The following NRXN1 variants were observed in gnomAD, a reference collection of about 807,000 sequenced individuals.
NRXN1 encodes neurexin-1.
NRXN1 carries 39 observed loss-of-function variants against 150.9 expected under a neutral mutation model. The observed-to-expected ratio is 0.26, with a 90% CI of 0.20 to 0.34. NRXN1 has a LOEUF of 0.34. Ranked by LOEUF, NRXN1 falls within the 10% of genes least tolerant of loss-of-function variation. NRXN1 has a pLI of 1.00. For missense variants in NRXN1, 1,815 were observed against 1,949.9 expected, an observed-to-expected ratio of 0.93 and a Z score of 1.30; for synonymous variants, 924 against 757.0, an observed-to-expected ratio of 1.22 and a Z score of -3.62.
intron 2 of NRXN1, among the ~76,000 whole-genome samples, chr2:51,011,594 G>C (rs1226017906): frequency 1.3e-5 from 2 of 151,914 alleles, no homozygotes; most frequent in South Asian, 4.1e-4. Flanking sequence ...TCCAGAGAGA[G>C]TAACACTAGA....
intron 22 of NRXN1, among the ~76,000 whole-genome samples, chr2:49,933,941 C>T (rs951126575): frequency 6.6e-6 from 1 of 152,258 alleles, no homozygotes; most frequent in Admixed American, 6.5e-5. Flanking sequence ...CTTGTGAATT[C>T]AGGTGGCAAA....
intron 21 of NRXN1, chr2:49,973,682 C>T (rs997841623): frequency 2.4e-6 from 1 of 418,598 alleles, no homozygotes; most frequent in Non-Finnish European, 4.3e-6. Context: ...TGCTGATAAA[C>T]CCCTGAAGCT....
chr2:50,352,620 C>A (rs1000266898), intron 17 of NRXN1, among the ~76,000 whole-genome samples: 1 of 151,676 alleles, frequency 6.6e-6, no homozygotes, highest in Non-Finnish European at 1.5e-5. Context: ...TTGAACTGAG[C>A]GTCAGTAAAA....
At chr2:50,157,911 G>A (rs989921409) in intron 18 of NRXN1, among the ~76,000 whole-genome samples, 25 of 151,874 alleles carry the variant, frequency 1.6e-4, no homozygotes, top group African/African-American at 6.0e-4. Context: ...TGGGATTAGA[G>A]CTGGGGATAT....
chr2:50,767,667 T>C (rs181734820), intron 5 of NRXN1, among the ~76,000 whole-genome samples: 2 of 152,228 alleles, frequency 1.3e-5, no homozygotes, highest in African/African-American at 4.8e-5. Flanking sequence ...ATACATTTGC[T>C]AAACAATAGT....
chr2:50,986,801 A>T (rs1053972138), intron 2 of NRXN1, among the ~76,000 whole-genome samples: 1 of 151,746 alleles, frequency 6.6e-6, no homozygotes, highest in Non-Finnish European at 1.5e-5. Flanking sequence ...AATGGAAAAA[A>T]GCAACTCACA....
chr2:50,688,288 T>C (rs1188710318), intron 5 of NRXN1, among the ~76,000 whole-genome samples: 2 of 152,204 alleles, frequency 1.3e-5, no homozygotes, highest in Non-Finnish European at 2.9e-5. Flanking sequence ...CCCATATCAA[T>C]ACATCACCAC....
chr2:50,775,024 C>T (rs560195855), intron 5 of NRXN1, among the ~76,000 whole-genome samples: 63 of 152,110 alleles, frequency 4.1e-4, no homozygotes, highest in African/African-American at 1.4e-3. Flanking sequence ...TTCTTAAGCC[C>T]AAGAACTTTG....
At chr2:50,785,131 G>A (rs1384633223) in intron 5 of NRXN1, among the ~76,000 whole-genome samples, 1 of 151,966 alleles carries the variant, frequency 6.6e-6, no homozygotes, top group African/African-American at 2.4e-5. Flanking sequence ...ACCATGTGAG[G>A]ACACAGTGAG....
At chr2:49,946,347 T>C (rs2104407773) in intron 21 of NRXN1, among the ~76,000 whole-genome samples, 1 of 152,290 alleles carries the variant, frequency 6.6e-6, no homozygotes, top group South Asian at 2.1e-4. Flanking sequence ...GCCTGTCCAT[T>C]CTGATGATAG....
chr2:50,030,858 A>T (rs1262250434), intron 21 of NRXN1, among the ~76,000 whole-genome samples: 3 of 152,084 alleles, frequency 2.0e-5, no homozygotes, highest in Non-Finnish European at 4.4e-5. Context: ...TTATTTCAAC[A>T]GTTACTCAGC....
chr2:50,607,642 C>T (rs1677352002), intron 8 of NRXN1, among the ~76,000 whole-genome samples: 1 of 151,094 alleles, frequency 6.6e-6, no homozygotes, highest in South Asian at 2.1e-4. Flanking sequence ...AGGATATTAC[C>T]ATACAGAAAT....
chr2:50,647,215 T>C (rs949492757), intron 5 of NRXN1, among the ~76,000 whole-genome samples: 2 of 151,876 alleles, frequency 1.3e-5, no homozygotes, highest in Non-Finnish European at 2.9e-5. Context: ...AACTTACAGA[T>C]AGTAGGCCCA....
intron 18 of NRXN1, among the ~76,000 whole-genome samples, chr2:50,163,338 G>A (rs2059480884): frequency 6.6e-6 from 1 of 151,880 alleles, no homozygotes; most frequent in South Asian, 2.1e-4. Context: ...CTCAAGACTA[G>A]AATCAAACTT....
intron 21 of NRXN1, among the ~76,000 whole-genome samples, chr2:49,946,974 T>G (rs1033144175): frequency 5.9e-5 from 9 of 152,146 alleles, no homozygotes; most frequent in African/African-American, 1.9e-4. Flanking sequence ...AAAAGAAAGC[T>G]TTAAAAGCAA....
At chr2:50,521,279 A>G (rs527423438) in intron 12 of NRXN1, among the ~76,000 whole-genome samples, 154 of 152,304 alleles carry the variant, frequency 1.0e-3, no homozygotes, top group African/African-American at 3.3e-3. Context: ...TTGAAATTTA[A>G]TTAATTTCAA....
intron 19 of NRXN1, among the ~76,000 whole-genome samples, chr2:50,057,084 A>G (rs1244454603): frequency 1.3e-5 from 2 of 152,138 alleles, no homozygotes; most frequent in Non-Finnish European, 2.9e-5. Flanking sequence ...TTTTCCATAT[A>G]AGCCAATATC....
intron 5 of NRXN1, among the ~76,000 whole-genome samples, chr2:50,683,646 A>AAAAAATATATATATATATATATATATAT: frequency 6.7e-5 from 1 of 14,904 alleles, no homozygotes; most frequent in Non-Finnish European, 1.1e-4. Context: ...AAAAAAAAAA[A>AAAAAATATATATATATATATATATATAT]ATATATATAT....
chr2:50,414,926 T>C (rs2083433628), intron 17 of NRXN1, among the ~76,000 whole-genome samples: 1 of 152,080 alleles, frequency 6.6e-6, no homozygotes, highest in African/African-American at 2.4e-5. Context: ...AAACAAACCA[T>C]ACATATATAA....
Sources: allele counts gnomAD v4.1 joint callset (sites outside exome capture counted in the v4.1 genomes callset), GRCh38; gene constraint gnomAD v4.1.1; transcripts MANE v1.5; gene names NCBI Gene and HGNC (gene_info 2026-07-23, HGNC 2026-07-21).